The following MTAP variants were observed in gnomAD, a reference collection of about 807,000 sequenced individuals.
MTAP encodes methylthioadenosine phosphorylase, also known as S-methyl-5'-thioadenosine phosphorylase.
MTAP carries 33 observed loss-of-function variants against 33.6 expected under a neutral mutation model. The observed-to-expected ratio is 0.98, with a 90% CI of 0.74 to 1.31. The LOEUF (loss-of-function observed/expected upper bound fraction) is 1.31, where lower values mean the gene tolerates loss of function less well. Among genes scored for constraint, MTAP ranks in the 40% most tolerant of loss-of-function variants. MTAP has a pLI of 0.00. For synonymous variants in MTAP, 148 were observed against 125.7 expected, an observed-to-expected ratio of 1.18 and a Z score of -1.19; for missense variants, 367 against 360.0, an observed-to-expected ratio of 1.02 and a Z score of -0.16.
intron 4 of MTAP, among the ~76,000 whole-genome samples, chr9:21,826,431 G>T (rs949426015): frequency 3.3e-5 from 5 of 151,290 alleles, no homozygotes; most frequent in Non-Finnish European, 7.4e-5. Flanking sequence ...GTGTCATTTA[G>T]TGTCTTCTCC....
At chr9:21,937,409 GAC>G (rs1208514495) in exon 8 of MTAP, 1 of 152,022 alleles carries the variant, frequency 6.6e-6, no homozygotes, top group Non-Finnish European at 1.5e-5. Flanking sequence ...CTGTGAAAAT[GAC>G]AGTTTTCTTT....
At chr9:21,845,128 A>G (rs1825346975) in intron 5 of MTAP, among the ~76,000 whole-genome samples, 1 of 152,196 alleles carries the variant, frequency 6.6e-6, no homozygotes, top group Admixed American at 6.5e-5. Context: ...GAAACAAGAC[A>G]AGATTCCCAC....
At chr9:21,929,277 G>C (rs556816329) in intron 1 of MTAP, among the ~76,000 whole-genome samples, 1 of 152,266 alleles carries the variant, frequency 6.6e-6, no homozygotes, top group East Asian at 1.9e-4. Context: ...GAAAACATAA[G>C]TAATGCCCCC....
chr9:21,914,775 G>A (rs1459633720), intron 1 of MTAP, among the ~76,000 whole-genome samples: 1 of 144,022 alleles, frequency 6.9e-6, no homozygotes, highest in Non-Finnish European at 1.5e-5. Context: ...GGAACTTAAA[G>A]TATAATAATA....
chr9:21,888,029 G>T (rs1818142290), intron 1 of MTAP, among the ~76,000 whole-genome samples: 1 of 152,168 alleles, frequency 6.6e-6, no homozygotes, highest in South Asian at 2.1e-4. Flanking sequence ...GAGCTTTTTG[G>T]ATCAGTCTTT....
intron 1 of MTAP, among the ~76,000 whole-genome samples, chr9:21,875,536 GCTCCTCACCCTC>G (rs1462885360): frequency 2.0e-5 from 3 of 151,790 alleles, no homozygotes; most frequent in Non-Finnish European, 2.9e-5. Context: ...TATTTTCTCT[GCTCCTCACCCTC>G]CTCCCACCCT....
downstream of MTAP, among the ~76,000 whole-genome samples, chr9:21,939,870 G>A (rs184177175): frequency 1.9e-3 from 289 of 151,898 alleles, 2 homozygotes; most frequent in South Asian, 0.032. Context: ...GTGACAGAGT[G>A]AGACTCTGTC....
At chr9:21,910,620 A>G (rs1230140501) in intron 1 of MTAP, among the ~76,000 whole-genome samples, 1 of 152,214 alleles carries the variant, frequency 6.6e-6, no homozygotes, top group African/African-American at 2.4e-5. Context: ...AGACATGTAT[A>G]ATCATGAAAA....
chr9:21,876,714 A>G (rs1016184782), intron 1 of MTAP, among the ~76,000 whole-genome samples: 1 of 152,000 alleles, frequency 6.6e-6, no homozygotes, highest in Non-Finnish European at 1.5e-5. Context: ...ATTCGGTTCC[A>G]TTGGTCTATG....
intron 4 of MTAP, among the ~76,000 whole-genome samples, chr9:21,832,069 A>T (rs1338613515): frequency 2.0e-5 from 3 of 152,128 alleles, no homozygotes; most frequent in Admixed American, 6.6e-5. Flanking sequence ...TGATTCCTAA[A>T]AGTTCTGGTA....
At chr9:21,875,889 C>G (rs1011430005) in intron 1 of MTAP, among the ~76,000 whole-genome samples, 3 of 152,018 alleles carry the variant, frequency 2.0e-5, no homozygotes, top group Non-Finnish European at 2.9e-5. Flanking sequence ...TGGGTATATA[C>G]CTAGTAATGA....
intron 1 of MTAP, among the ~76,000 whole-genome samples, chr9:21,912,326 C>T (rs1818592297): frequency 6.6e-6 from 1 of 151,952 alleles, no homozygotes; most frequent in African/African-American, 2.4e-5. Flanking sequence ...AGAGACACAA[C>T]AAAAAAAGAG....
At chr9:21,854,935 C>A (rs1222663600) in intron 6 of MTAP, 65 bp downstream of exon 6, 1 of 1,557,744 alleles carries the variant, frequency 6.4e-7, no homozygotes, top group Admixed American at 1.9e-5. Context: ...GGTGTCTTAA[C>A]TGTTTGTTTC....
At chr9:21,918,554 TA>T (rs907517582) in intron 1 of MTAP, among the ~76,000 whole-genome samples, 7 of 151,394 alleles carry the variant, frequency 4.6e-5, no homozygotes, top group African/African-American at 1.2e-4. Flanking sequence ...CTATTGAAAT[TA>T]AAAAAAAATT....
In MTAP at chr9:21,865,524, C is replaced by T. The variant is rs1825839822; in HGVS notation, c.*3510C>T. The T allele has an allele frequency of 1.0e-6, 1 of 985,558 alleles. No individual in the cohort carries two copies. Among genetic ancestry groups the T allele is most frequent in the Non-Finnish European group, 1.2e-6 (1 of 829,964 alleles). 61.1% of individuals were successfully genotyped at this position (985,558 alleles called of 1,614,324 possible). On this transcript the variant is annotated 3_prime_UTR_variant, in exon 8 of 8. Transcript: ENST00000644715. ...TGGCTCAATGTATATATTGGCCCAG[C>T]AAGGCAAAGAACTGAAGTTCCAGGA...
Position 21,865,516 on chromosome 9 carries a change from T to G in MTAP, c.*3502T>G. ...ACACAATCTGGCTCAATGTATATAT[T>G]GGCCCAGCAAGGCAAAGAACTGAAG... On this transcript the variant is annotated 3_prime_UTR_variant, in exon 8 of 8. Coordinates refer to ENST00000644715, the MANE Select transcript of MTAP (RefSeq NM_002451.4). 2 of 985,618 alleles carry G rather than the reference T, an allele frequency of 2.0e-6. No homozygotes were observed. The highest frequency in any genetic ancestry group is 2.4e-6 in the Non-Finnish European group (2 of 829,978). The allele number at this position is 985,618 out of a possible 1,614,324, so 61.1% of individuals were successfully genotyped here.
At chr9:21,826,884 C>T (rs1224993068) in intron 4 of MTAP, among the ~76,000 whole-genome samples, 2 of 151,996 alleles carry the variant, frequency 1.3e-5, no homozygotes, top group African/African-American at 4.8e-5. Flanking sequence ...CCCATCCTGT[C>T]AGATCAGCAG....
At chr9:21,909,584 T>C (rs1413778595) in intron 1 of MTAP, among the ~76,000 whole-genome samples, 2 of 152,132 alleles carry the variant, frequency 1.3e-5, no homozygotes, top group African/African-American at 2.4e-5. Flanking sequence ...GTTATGAATT[T>C]GTTGTGTAAG....
intron 4 of MTAP, among the ~76,000 whole-genome samples, chr9:21,829,024 A>T (rs1809351654): frequency 6.6e-6 from 1 of 152,188 alleles, no homozygotes. Flanking sequence ...ATGTGTTTGA[A>T]CATCTCATAG....
Sources: gnomAD v4.1 joint callset for allele counts (sites outside exome capture counted in the v4.1 genomes callset) on GRCh38, gnomAD v4.1.1 for gene constraint, MANE v1.5 for transcripts, NCBI Gene and HGNC (gene_info 2026-07-23, HGNC 2026-07-21) for gene names.